Variants in CAPZA1 observed in about 807,000 individuals in gnomAD.
The protein encoded by CAPZA1 is capping actin protein of muscle Z-line subunit alpha 1, also known as F-actin-capping protein subunit alpha-1.
A neutral mutation model predicts 40.8 loss-of-function variants in CAPZA1; 10 were observed. That is an observed-to-expected ratio of 0.25 (90% CI 0.15 to 0.42). The LOEUF is 0.42. Among genes scored for constraint, CAPZA1 ranks in the 10% least tolerant of loss-of-function variants. The pLI, the probability that CAPZA1 is intolerant of heterozygous loss-of-function variation, is 1.00. For missense variants in CAPZA1, 277 were observed against 353.8 expected, an observed-to-expected ratio of 0.78 and a Z score of 1.74; for synonymous variants, 98 against 115.0, an observed-to-expected ratio of 0.85 and a Z score of 0.95.
At chr1:112,656,606 T>G (rs948778854) in intron 5 of CAPZA1, among the ~76,000 whole-genome samples, 2 of 152,058 alleles carry the variant, frequency 1.3e-5, no homozygotes, top group African/African-American at 2.4e-5. Flanking sequence ...TATTGTTTGT[T>G]ACCTGTTCAA....
In CAPZA1 at chr1:112,670,991, A is replaced by G. The variant is rs1480763274; in HGVS notation, c.*859A>G. 6.6e-6 allele frequency: 1 copy of G among 152,656 alleles called. No individual in the cohort carries two copies. Among genetic ancestry groups the G allele is most frequent in the Non-Finnish European group, 1.5e-5 (1 of 68,048 alleles). The allele number at this position is 152,656 out of a possible 1,614,324, so 9.5% of individuals were successfully genotyped here. A position where few individuals can be genotyped will look rare whatever the true frequency, so the allele number is the denominator to read the frequency against. ...TAGGTATCTTGTGCTTTAATACTTT[A>G]TGGCAGGATTGTACTATAAGCAAAT... On this transcript the variant is annotated 3_prime_UTR_variant, in exon 10 of 10. Coordinates refer to ENST00000263168, the MANE Select transcript of CAPZA1 (RefSeq NM_006135.3).
rs1275327942 is a variant in CAPZA1 at position 112,654,559 on chromosome 1, C to T, written c.314C>T (p.Ala105Val). The T allele has an allele frequency of 6.2e-7, 1 of 1,613,712 alleles. No homozygotes were observed. Among genetic ancestry groups the T allele is most frequent in the African/African-American group, 1.3e-5 (1 of 74,886 alleles). The change falls in exon 5 of 10, where the codon GCA becomes GTA. Residue 105 changes from alanine (A) to valine (V), a missense_variant. Transcript: ENST00000263168. Reference sequence around the variant, plus strand: ...AAATTTGACCACTTACGGAAAGAAGCAAGTGACCCCCAGCCAGAAGAAGCA... The same window carrying T: ...AAATTTGACCACTTACGGAAAGAAGTAAGTGACCCCCAGCCAGAAGAAGCA... ...SFKFDHLRKE[A>V]SDPQPEEADG... is the part of the protein sequence containing the mutation.
intron 2 of CAPZA1, among the ~76,000 whole-genome samples, chr1:112,647,544 G>A (rs1671305080): frequency 6.6e-6 from 1 of 152,214 alleles, no homozygotes; most frequent in East Asian, 1.9e-4. Flanking sequence ...ATCAATAAAT[G>A]TAGAAACAAT....
At chr1:112,648,139 T>C (rs938930947) in intron 2 of CAPZA1, among the ~76,000 whole-genome samples, 2 of 152,058 alleles carry the variant, frequency 1.3e-5, no homozygotes, top group African/African-American at 4.8e-5. Flanking sequence ...ATTGCTAAAA[T>C]TGGAAAAAGT....
At chr1:112,651,013 T>C (rs182243800) in intron 3 of CAPZA1, among the ~76,000 whole-genome samples, 1 of 152,358 alleles carries the variant, frequency 6.6e-6, no homozygotes, top group Non-Finnish European at 1.5e-5. Flanking sequence ...GAAGAAAAAT[T>C]CAGTTTTATT....
intron 1 of CAPZA1, among the ~76,000 whole-genome samples, chr1:112,627,636 CAAAAAAAAAAA>C (rs3034524): frequency 1.2e-3 from 63 of 50,774 alleles, no homozygotes; most frequent in African/African-American, 4.8e-3. Context: ...GACTCTGTCT[CAAAAAAAAAAA>C]AAAAAAAAAA....
At position 112,656,466 on chromosome 1, in the gene CAPZA1, T is replaced by TTTTTTTTTTTTTTC. The variant is rs1553180448; in HGVS notation, c.426+1795_426+1796insTTTTTTTTTTTTTC. 4.1e-4 allele frequency among the ~76,000 whole-genome samples: 39 copies of TTTTTTTTTTTTTTC among 94,404 alleles called. 5 individuals carry two copies. Among genetic ancestry groups the TTTTTTTTTTTTTTC allele is most frequent in the South Asian group, 9.0e-4 (2 of 2,228 alleles). The allele number at this position is 94,404 out of a possible 152,430, so 61.9% of individuals were successfully genotyped here. A position where few individuals can be genotyped will look rare whatever the true frequency, so the allele number is the denominator to read the frequency against. On this transcript the variant is annotated intron_variant, in intron 5 of 9. Transcript: ENST00000263168. The stretch of plus-strand genomic sequence containing the variant: ...TTTTTTTTTTTTTTTTTTTTTTTTT[T>TTTTTTTTTTTTTTC]AATGAGAATACCCATTATGGTGGAC...
At chr1:112,656,791 A>G (rs562817708) in intron 5 of CAPZA1, among the ~76,000 whole-genome samples, 47 of 152,010 alleles carry the variant, frequency 3.1e-4, no homozygotes, top group Non-Finnish European at 6.0e-4. Context: ...CCGTAATTTC[A>G]TCTCCTTATT....
chr1:112,636,792 A>G (rs1015551985), intron 1 of CAPZA1, among the ~76,000 whole-genome samples: 2 of 152,148 alleles, frequency 1.3e-5, no homozygotes, highest in Admixed American at 6.6e-5. Context: ...TGAAAATGTC[A>G]TCCCTCATCT....
chr1:112,671,452 T>C lies in CAPZA1; in HGVS notation c.*1320T>C, dbSNP rs1337487159. On this transcript the variant is annotated 3_prime_UTR_variant, in exon 10 of 10. Coordinates refer to ENST00000263168, the MANE Select transcript of CAPZA1 (RefSeq NM_006135.3). ...CTTCCGTTTTGTTTCTGCTCAGTAATATAGTCAAGCAAGTTTGTTCCAGGT... is the reference window on the plus strand; with the variant it reads ...CTTCCGTTTTGTTTCTGCTCAGTAACATAGTCAAGCAAGTTTGTTCCAGGT... 1.3e-5 allele frequency: 2 copies of C among 152,680 alleles called. No individual in the cohort carries two copies. Among genetic ancestry groups the C allele is most frequent in the Non-Finnish European group, 2.9e-5 (2 of 68,040 alleles). The allele number at this position is 152,680 out of a possible 1,614,324, so 9.5% of individuals were successfully genotyped here.
intron 1 of CAPZA1, among the ~76,000 whole-genome samples, chr1:112,646,026 T>C (rs1010176668): frequency 2.7e-5 from 4 of 150,192 alleles, no homozygotes; most frequent in African/African-American, 7.3e-5. Flanking sequence ...TGGATTGGAG[T>C]AGAGCATTTT....
intron 1 of CAPZA1, among the ~76,000 whole-genome samples, chr1:112,623,023 T>A (rs1670711520): frequency 6.6e-6 from 1 of 152,020 alleles, no homozygotes; most frequent in African/African-American, 2.4e-5. Context: ...GTAGCTGGGA[T>A]TACAGGCACC....
At chr1:112,625,546 G>A (rs1670789079) in intron 1 of CAPZA1, among the ~76,000 whole-genome samples, 1 of 152,196 alleles carries the variant, frequency 6.6e-6, no homozygotes, top group Non-Finnish European at 1.5e-5. Context: ...ACTGGATTTG[G>A]TAAATAAGAG....
At chr1:112,658,564 G>A (rs983070655) in intron 5 of CAPZA1, among the ~76,000 whole-genome samples, 1 of 152,100 alleles carries the variant, frequency 6.6e-6, no homozygotes, top group Non-Finnish European at 1.5e-5. Context: ...TCTCTCCATT[G>A]CCTATAGAAT....
intron 8 of CAPZA1, among the ~76,000 whole-genome samples, chr1:112,668,477 A>G (rs1671768948): frequency 6.6e-6 from 1 of 152,070 alleles, no homozygotes; most frequent in African/African-American, 2.4e-5. Context: ...TTATTGTGAT[A>G]TTAGTTGTTT....
intron 5 of CAPZA1, 80 bp downstream of exon 5, chr1:112,654,751 C>T: frequency 2.3e-6 from 2 of 888,424 alleles, no homozygotes; most frequent in Non-Finnish European, 3.4e-6. Flanking sequence ...GCCTACCAAA[C>T]ATCCCTACTT....
chr1:112,668,272 T>A (rs1671766121), intron 8 of CAPZA1, among the ~76,000 whole-genome samples: 1 of 152,086 alleles, frequency 6.6e-6, no homozygotes, highest in Non-Finnish European at 1.5e-5. Flanking sequence ...TGAAACCCTG[T>A]CTCAAAAAGA....
At chr1:112,666,170 A>G (rs1357107830) in intron 7 of CAPZA1, among the ~76,000 whole-genome samples, 1 of 152,158 alleles carries the variant, frequency 6.6e-6, no homozygotes, top group African/African-American at 2.4e-5. Flanking sequence ...CTTCATAGCA[A>G]TGTCTCCTGC....
intron 1 of CAPZA1, among the ~76,000 whole-genome samples, chr1:112,644,772 G>T (rs1033633693): frequency 6.6e-6 from 1 of 152,102 alleles, no homozygotes; most frequent in African/African-American, 2.4e-5. Context: ...CCCATTTGTG[G>T]TGAGTCCTAT....
Sources: allele counts gnomAD v4.1 joint callset (sites outside exome capture counted in the v4.1 genomes callset), GRCh38; gene constraint gnomAD v4.1.1; transcripts MANE v1.5; gene names NCBI Gene and HGNC (gene_info 2026-07-23, HGNC 2026-07-21).